The following XPO1 variants were observed in gnomAD, a reference collection of about 807,000 sequenced individuals.
XPO1 encodes the protein exportin-1.
In XPO1, 5 loss-of-function variants were observed where a neutral mutation model predicts 133.3. That is an observed-to-expected ratio of 0.04 (90% CI 0.02 to 0.08). The LOEUF (loss-of-function observed/expected upper bound fraction) is 0.08. XPO1 is among the 10% of genes least tolerant of loss of function. The pLI, the probability that XPO1 is intolerant of heterozygous loss-of-function variation, is 1.00. For synonymous variants in XPO1, 419 were observed against 408.2 expected, an observed-to-expected ratio of 1.03 and a Z score of -0.32; for missense variants, 506 against 1,267.5, an observed-to-expected ratio of 0.40 and a Z score of 9.12.
Position 61,492,684 on chromosome 2 carries a change from T to C in XPO1, c.1449A>G (p.Gln483=), listed in dbSNP as rs141775385. 2 of 1,613,820 alleles carry C rather than the reference T, an allele frequency of 1.2e-6. No homozygotes were observed. The highest frequency in any genetic ancestry group is 1.7e-6 in the Non-Finnish European group (2 of 1,179,978). The change falls in exon 14 of 25, where the codon CAA becomes CAG. Residue 483 remains glutamine (Q), a synonymous_variant. Coordinates refer to ENST00000401558, the MANE Select transcript of XPO1 (RefSeq NM_003400.4). The surrounding 1 kb of genome is among the most constrained non-coding windows in gnomAD (Gnocchi z 5.6). The part of the protein sequence containing the change: ...ERIMTEKLHN[Q]VNGTEWSWKN... ...TCCATGACCACTCTGTACCATTCAC[T>C]TGATTGTGAAGCTTCTCTGTCATTA...
At chr2:61,533,924 T>C (rs374973651) in intron 1 of XPO1, 21 bp from the exon 2 acceptor site, 152 of 1,506,300 alleles carry the variant, frequency 1.0e-4, no homozygotes, top group Non-Finnish European at 1.3e-4. Flanking sequence ...AGAAAAAAAA[T>C]TGAAGCTGCC....
chr2:61,526,021 G>A, intron 3 of XPO1: 1 of 1,064,802 alleles, frequency 9.4e-7, no homozygotes, highest in Non-Finnish European at 1.1e-6. Flanking sequence ...ATGCCATGGA[G>A]TAGGGTTTTA....
At chr2:61,516,136 AAAAAC>A (rs1214116580) in intron 4 of XPO1, among the ~76,000 whole-genome samples, 6 of 148,962 alleles carry the variant, frequency 4.0e-5, no homozygotes, top group Non-Finnish European at 9.0e-5. Flanking sequence ...AAAATTAAAA[AAAAAC>A]AAAACAAAAC....
intron 21 of XPO1, 181 bp downstream of exon 21, chr2:61,483,756 T>C (rs1696531010): frequency 3.2e-6 from 2 of 623,162 alleles, no homozygotes; most frequent in Non-Finnish European, 5.4e-6. Flanking sequence ...ATTCTGCCTA[T>C]GGACTCACTT....
intron 17 of XPO1, among the ~76,000 whole-genome samples, 195 bp from the exon 18 acceptor site, chr2:61,488,966 G>A (rs1696827682): frequency 6.6e-6 from 1 of 152,158 alleles, no homozygotes; most frequent in Admixed American, 6.5e-5. Flanking sequence ...GCCAGGCGTG[G>A]TGGCAGCCGC....
intron 6 of XPO1, 74 bp downstream of exon 6, chr2:61,501,922 C>T: frequency 7.8e-7 from 1 of 1,283,314 alleles, no homozygotes; most frequent in Non-Finnish European, 1.1e-6. Context: ...TACTTTATTT[C>T]CTAAGTAGGT....
intron 2 of XPO1, among the ~76,000 whole-genome samples, chr2:61,527,306 G>A (rs1390484044): frequency 3.0e-5 from 4 of 134,798 alleles, no homozygotes; most frequent in South Asian, 4.9e-4. Context: ...GCAATGTAAC[G>A]AGGCCATGAC....
At chr2:61,514,442 AATT>A (rs1259701035) in intron 4 of XPO1, among the ~76,000 whole-genome samples, 4 of 151,296 alleles carry the variant, frequency 2.6e-5, no homozygotes, top group Admixed American at 6.6e-5. Context: ...AATACAAAAT[AATT>A]AGCTGGGTGT....
rs1163918812 is a variant in XPO1, at chr2:61,481,279, G to A, written c.2975C>T (p.Ala992Val). Reference protein sequence around the residue: ...LKSAFPHLQDAQVKLFVTGLF... With the variant: ...LKSAFPHLQDVQVKLFVTGLF... ...CCCTGTCACAAAGAGCTTTACTTGA[G>A]CACTGCAAATCAAAACACAATGATT... Residue 992 changes from alanine to valine, a missense_variant and splice_region_variant, in exon 24 of 25, where the codon GCT becomes GTT. Coordinates refer to ENST00000401558, the MANE Select transcript of XPO1 (RefSeq NM_003400.4). 3.4e-5 allele frequency: 55 copies of A among 1,604,454 alleles called. No homozygotes were observed. The highest frequency in any genetic ancestry group is 4.5e-5 in the Non-Finnish European group (53 of 1,176,032).
At chr2:61,484,134 T>TGTTTCA in intron 20 of XPO1, 29 bp from the exon 21 acceptor site, 2 of 1,581,610 alleles carry the variant, frequency 1.3e-6, no homozygotes, top group South Asian at 2.2e-5. Context: ...AACAAAATAA[T>TGTTTCA]GTTTCAGTGT....
chr2:61,493,207 G>T, intron 12 of XPO1, 154 bp from the exon 13 acceptor site: 1 of 673,044 alleles, frequency 1.5e-6, no homozygotes, highest in Admixed American at 3.5e-5. Flanking sequence ...CCGGAGGGCC[G>T]AGGCAAAAAG....
intron 21 of XPO1, 84 bp downstream of exon 21, chr2:61,483,853 A>G: frequency 6.8e-7 from 1 of 1,471,774 alleles, no homozygotes; most frequent in East Asian, 2.3e-5. Context: ...AACTCTGAAC[A>G]AGTAATACCT....
intron 4 of XPO1, among the ~76,000 whole-genome samples, chr2:61,502,965 CTT>C (rs201077547): frequency 7.2e-6 from 1 of 138,302 alleles, no homozygotes. Context: ...TGTTTCTTTT[CTT>C]TTTTTTTTTT....
intron 3 of XPO1, chr2:61,525,306 G>A: frequency 1.0e-6 from 1 of 986,060 alleles, no homozygotes; most frequent in African/African-American, 1.7e-5. Context: ...AGCTGTGTCA[G>A]TTGCACAGGA....
Position 61,483,014 on chromosome 2 carries a change from A to G in XPO1, c.2755T>C (p.Phe919Leu). Residue 919 changes from phenylalanine (F) to leucine (L), a missense_variant, in exon 22 of 25, where the codon TTT becomes CTT. By Grantham distance (22) the Phe-to-Leu change is conservative. Coordinates refer to ENST00000401558, the MANE Select transcript of XPO1 (RefSeq NM_003400.4). ...AAGATATGCTGGAGAATATCACAAA[A>G]ATAAGTTTGATAAAAACTCTGAGCT... ...AAAQSFYQTYFCDILQHIFSV... is the reference protein window; with the variant it reads ...AAAQSFYQTYLCDILQHIFSV... 1 of 1,613,878 alleles carries G rather than the reference A, an allele frequency of 6.2e-7. No homozygotes were observed. The highest frequency in any genetic ancestry group is 8.5e-7 in the Non-Finnish European group (1 of 1,179,980).
Position 61,492,031 on chromosome 2 carries a change from A to G in XPO1, c.1887+4T>C, listed in dbSNP as rs376729057. 4.8e-5 allele frequency: 77 copies of G among 1,614,034 alleles called. No individual in the cohort carries two copies. The highest frequency in any genetic ancestry group is 1.7e-5 in the Admixed American group (1 of 59,992). On this transcript the variant is annotated splice_donor_region_variant and intron_variant, in intron 16 of 24. Transcript: ENST00000401558. The surrounding 1 kb of genome is among the most constrained non-coding windows in gnomAD (Gnocchi z 5.6). The stretch of plus-strand genomic sequence containing the variant: ...AAATAACATATGCTCAGTGCTTAAC[A>G]TACCTGTTGAGGCTGAAGATCACAA...
At chr2:61,537,251 A>G (rs934085466) in intron 1 of XPO1, 6 of 150,118 alleles carry the variant, frequency 4.0e-5, no homozygotes, top group Non-Finnish European at 8.9e-5. Flanking sequence ...GGGCTGGGGA[A>G]CCCCTCCCAC....
chr2:61,512,432 A>G (rs1339172843), intron 4 of XPO1, among the ~76,000 whole-genome samples: 1 of 152,226 alleles, frequency 6.6e-6, no homozygotes, highest in African/African-American at 2.4e-5. Context: ...GAAAAGCAGC[A>G]GAAATGTTAA....
At chr2:61,505,634 C>G (rs1022444311) in intron 4 of XPO1, among the ~76,000 whole-genome samples, 2 of 152,178 alleles carry the variant, frequency 1.3e-5, no homozygotes, top group African/African-American at 4.8e-5. Context: ...TCTCAGCTCA[C>G]TGCAACCTCT....
Sources: allele counts gnomAD v4.1 joint callset (sites outside exome capture counted in the v4.1 genomes callset), GRCh38; gene constraint gnomAD v4.1.1; non-coding constraint Gnocchi (gnomAD v3.1); transcripts MANE v1.5; gene names NCBI Gene and HGNC (gene_info 2026-07-23, HGNC 2026-07-21).